Variants in GABBR1 observed in about 807,000 individuals in gnomAD.
GABBR1 encodes the protein GABA-B receptor, R1 subunit.
In GABBR1, 35 loss-of-function variants were observed where a neutral mutation model predicts 117.7. The ratio of observed to expected loss-of-function variants is 0.30; its 90% confidence interval spans 0.23 to 0.39. The LOEUF is 0.39. Among genes scored for constraint, GABBR1 ranks in the 10% least tolerant of loss-of-function variants. The pLI is 1.00. For missense variants in GABBR1, 709 were observed against 1,241.8 expected (o/e 0.57, Z 6.45); for synonymous variants, 442 against 486.6 (o/e 0.91, Z 1.21).
At position 29,604,221 on chromosome 6, in the gene GABBR1, C is replaced by G. The variant is rs567652171; in HGVS notation, c.2712+273G>C. Among the ~76,000 whole-genome samples, 3 of 152,134 alleles carry G rather than the reference C, an allele frequency of 2.0e-5. No individual in the cohort carries two copies. Among genetic ancestry groups the G allele is most frequent in the Non-Finnish European group, 2.9e-5 (2 of 68,014 alleles). ...CTACAGCCAACAGCCATCCTCTTGC[C>G]TTAAGGAGGCTGAGTCAACCACATA... On this transcript the variant is annotated intron_variant, in intron 22 of 22. Coordinates refer to ENST00000377034, the MANE Select transcript of GABBR1 (RefSeq NM_001470.4). This position sits in a 1 kb window ranked among gnomAD's most constrained non-coding sequence, Gnocchi z 5.3.
At chr6:29,619,389 A>G (rs1004631665) in intron 11 of GABBR1, among the ~76,000 whole-genome samples, 6 of 152,204 alleles carry the variant, frequency 3.9e-5, no homozygotes, top group Non-Finnish European at 8.8e-5. Context: ...GGCTGGTCCC[A>G]CTGGAAGCCC....
chr6:29,616,775 G>C (rs903201929), intron 11 of GABBR1, among the ~76,000 whole-genome samples: 6 of 150,060 alleles, frequency 4.0e-5, no homozygotes, highest in African/African-American at 1.2e-4. Flanking sequence ...GATGACTTGA[G>C]CCCAGGAGGT....
Position 29,624,180 on chromosome 6 carries a change from G to T in GABBR1, c.658-156C>A, listed in dbSNP as rs202223600. ...CTTCTCCTTTCTGGCATCTCTTCCT[G>T]TCAAGTGCCTTTTTTCTCCTCTTTC... is the stretch of plus-strand genomic sequence containing the variant. On this transcript the variant is annotated intron_variant, in intron 6 of 22. Coordinates refer to ENST00000377034, the MANE Select transcript of GABBR1 (RefSeq NM_001470.4). 1.1e-4 allele frequency: 83 copies of T among 727,454 alleles called. 1 individual carries two copies. In the East Asian group the frequency reaches 2.4e-3, roughly 21 times the overall value. 45.1% of individuals were successfully genotyped at this position (727,454 alleles called of 1,614,324 possible).
chr6:29,603,762 T>G, intron 22 of GABBR1, 46 bp from the exon 23 acceptor site: 2 of 1,388,464 alleles, frequency 1.4e-6, no homozygotes, highest in South Asian at 3.7e-5. Context: ...GAGGAGGTGA[T>G]GAAGGAGTGG....
rs1583028013 is a variant in GABBR1 at position 29,631,706 on chromosome 6, C to T, written c.86-107G>A. 1.1e-6 allele frequency: 1 copy of T among 945,762 alleles called. No individual in the cohort carries two copies. Among genetic ancestry groups the T allele is most frequent in the Non-Finnish European group, 1.7e-6 (1 of 600,210 alleles). The allele number at this position is 945,762 out of a possible 1,614,324, so 58.6% of individuals were successfully genotyped here. A position where few individuals can be genotyped will look rare whatever the true frequency, so the allele number is the denominator to read the frequency against. ...GAGTAGGGCGTGGTCTGTGGGCAGGCTGGGGACAGAGGAAGAGGGATGGGG... is the reference window on the plus strand; with the variant it reads ...GAGTAGGGCGTGGTCTGTGGGCAGGTTGGGGACAGAGGAAGAGGGATGGGG... On this transcript the variant is annotated intron_variant, in intron 2 of 22. Coordinates refer to ENST00000377034, the MANE Select transcript of GABBR1 (RefSeq NM_001470.4). This position sits in a 1 kb window ranked among gnomAD's most constrained non-coding sequence, Gnocchi z 5.9.
In GABBR1 at chr6:29,627,564, C is replaced by T; in HGVS notation, c.579G>A (p.Glu193=). 1.3e-6 allele frequency: 2 copies of T among 1,590,600 alleles called. No homozygotes were observed. The highest frequency in any genetic ancestry group is 1.7e-6 in the Non-Finnish European group (2 of 1,169,042). Residue 193 remains glutamate, a synonymous_variant, in exon 6 of 23, where the codon GAG becomes GAA. Transcript: ENST00000377034. The surrounding 1 kb of genome is among the most constrained non-coding windows in gnomAD (Gnocchi z 4.4). ...PGGQACQPAV[E]MALEDVNSRR... ...GGCTATTCACGTCCTCCAGCGCCAT[C>T]TCCACCGCGGGCTGGCAGGCCTGGC...
Position 29,630,735 on chromosome 6 carries a change from A to G in GABBR1, c.290-92T>C, listed in dbSNP as rs1329546251. The G allele has an allele frequency of 9.9e-7, 1 of 1,006,022 alleles. No homozygotes were observed. Among genetic ancestry groups the G allele is most frequent in the Non-Finnish European group, 1.5e-6 (1 of 679,494 alleles). The allele number at this position is 1,006,022 out of a possible 1,614,324, so 62.3% of individuals were successfully genotyped here. A position where few individuals can be genotyped will look rare whatever the true frequency, so the allele number is the denominator to read the frequency against. On this transcript the variant is annotated intron_variant, in intron 3 of 22. Coordinates refer to ENST00000377034, the MANE Select transcript of GABBR1 (RefSeq NM_001470.4). The surrounding 1 kb of genome is among the most constrained non-coding windows in gnomAD (Gnocchi z 4.9). Reference sequence around the variant, plus strand: ...GGGACTCAGGTGCAGGTTTGGGTCCACAAGCATCCTGCTCTAAAGAAAATC... The same window carrying G: ...GGGACTCAGGTGCAGGTTTGGGTCCGCAAGCATCCTGCTCTAAAGAAAATC...
chr6:29,606,349 C>G lies in GABBR1; in HGVS notation c.2311+42G>C, dbSNP rs768281533. 2 of 1,436,778 alleles carry G rather than the reference C, an allele frequency of 1.4e-6. No homozygotes were observed. The highest frequency in any genetic ancestry group is 2.0e-6 in the Non-Finnish European group (2 of 1,019,204). 89.0% of individuals were successfully genotyped at this position (1,436,778 alleles called of 1,614,324 possible). On this transcript the variant is annotated intron_variant, in intron 19 of 22. Coordinates refer to ENST00000377034, the MANE Select transcript of GABBR1 (RefSeq NM_001470.4). The surrounding 1 kb of genome is among the most constrained non-coding windows in gnomAD (Gnocchi z 4.5). ...CCCTCTACCCCTGCCTTCCCTCCTGCCTTTGTGCATCCCTGCCCTCCTTTG... is the reference window on the plus strand; with the variant it reads ...CCCTCTACCCCTGCCTTCCCTCCTGGCTTTGTGCATCCCTGCCCTCCTTTG...
intron 6 of GABBR1, among the ~76,000 whole-genome samples, chr6:29,625,755 GCTCACAGC>G (rs1241156441): frequency 6.6e-6 from 1 of 152,070 alleles, no homozygotes; most frequent in Non-Finnish European, 1.5e-5. Context: ...ATGAGTTTGA[GCTCACAGC>G]CAGGCCTCCC....
Position 29,622,324 on chromosome 6 carries a change from T to C in GABBR1, c.964-119A>G. On this transcript the variant is annotated intron_variant, in intron 8 of 22. Coordinates refer to ENST00000377034, the MANE Select transcript of GABBR1 (RefSeq NM_001470.4). This position sits in a 1 kb window ranked among gnomAD's most constrained non-coding sequence, Gnocchi z 4.6. Reference sequence around the variant, plus strand: ...AGATAGAGCAAAGAAGCAGCCATTCTGAACCTTCCTTCAACAGCTTCTGTC... The same window carrying C: ...AGATAGAGCAAAGAAGCAGCCATTCCGAACCTTCCTTCAACAGCTTCTGTC... 1.4e-6 allele frequency: 1 copy of C among 695,762 alleles called. No individual in the cohort carries two copies. Among genetic ancestry groups the C allele is most frequent in the South Asian group, 1.7e-5 (1 of 60,198 alleles). The allele number at this position is 695,762 out of a possible 1,614,324, so 43.1% of individuals were successfully genotyped here.
intron 11 of GABBR1, among the ~76,000 whole-genome samples, chr6:29,616,511 C>A (rs1763124448): frequency 6.6e-6 from 1 of 151,042 alleles, no homozygotes; most frequent in South Asian, 2.1e-4. Flanking sequence ...TGGTGAAACC[C>A]CATGTCCACT....
At position 29,623,574 on chromosome 6, in the gene GABBR1, C is replaced by A. The variant is rs1763975495; in HGVS notation, c.793-99G>T. 1 of 1,216,286 alleles carries A rather than the reference C, an allele frequency of 8.2e-7. No homozygotes were observed. The allele number at this position is 1,216,286 out of a possible 1,614,324, so 75.3% of individuals were successfully genotyped here. On this transcript the variant is annotated intron_variant, in intron 7 of 22. Coordinates refer to ENST00000377034, the MANE Select transcript of GABBR1 (RefSeq NM_001470.4). The surrounding 1 kb of genome is among the most constrained non-coding windows in gnomAD (Gnocchi z 6.2). ...ACCCTCTTCCTGCCTTTGGGTTTCT[C>A]TTCCTTACTCTCTCCAAACCTCCCC... is the stretch of plus-strand genomic sequence containing the variant.
Position 29,627,297 on chromosome 6 carries a change from T to C in GABBR1, c.657+189A>G, listed in dbSNP as rs1293741764. ...ACCATCTTGAGCCCCTAGACCCTCA[T>C]CTTGGACCTCCAGCCCCTGCGACTC... On this transcript the variant is annotated intron_variant, in intron 6 of 22. Coordinates refer to ENST00000377034, the MANE Select transcript of GABBR1 (RefSeq NM_001470.4). The surrounding 1 kb of genome is among the most constrained non-coding windows in gnomAD (Gnocchi z 4.4). Among the ~76,000 whole-genome samples the C allele has an allele frequency of 6.6e-6, 1 of 152,132 alleles. No individual in the cohort carries two copies. The highest frequency in any genetic ancestry group is 2.4e-5 in the African/African-American group (1 of 41,438).
chr6:29,610,720 G>A (rs749762955), intron 14 of GABBR1, among the ~76,000 whole-genome samples: 3 of 150,772 alleles, frequency 2.0e-5, no homozygotes, highest in East Asian at 2.0e-4. Flanking sequence ...ACTAACCACC[G>A]CCTATTCCCT....
In GABBR1 at chr6:29,613,085, GTTC is replaced by G. The variant is rs529634817; in HGVS notation, c.1566+155_1566+157del. 1.3e-3 allele frequency among the ~76,000 whole-genome samples: 201 copies of G among 152,280 alleles called. 2 individuals carry two copies. Among genetic ancestry groups the G allele is most frequent in the Middle Eastern group, 0.01 (3 of 294 alleles). The stretch of plus-strand genomic sequence containing the variant: ...TTTTTTTTCCTCTAGTCTTTGATGG[GTTC>G]TTCTAATTTGAAGGTCCCTACTTCT... On this transcript the variant is annotated intron_variant, in intron 12 of 22. Transcript: ENST00000377034. The surrounding 1 kb of genome is among the most constrained non-coding windows in gnomAD (Gnocchi z 4.1).
In GABBR1 at chr6:29,623,084, CAG is replaced by C. The variant is rs1763926448; in HGVS notation, c.963+219_963+220del. 1.3e-5 allele frequency among the ~76,000 whole-genome samples: 2 copies of C among 152,100 alleles called. No homozygotes were observed. On this transcript the variant is annotated intron_variant, in intron 8 of 22. Coordinates refer to ENST00000377034, the MANE Select transcript of GABBR1 (RefSeq NM_001470.4). This position sits in a 1 kb window ranked among gnomAD's most constrained non-coding sequence, Gnocchi z 6.2. ...TATGTCTGGGGAACAGGGCATCAAACAGGGGAAAAAAATCATAAAATCATAAA... is the reference window on the plus strand; with the variant it reads ...TATGTCTGGGGAACAGGGCATCAAACGGGAAAAAAATCATAAAATCATAAA...
At position 29,604,287 on chromosome 6, in the gene GABBR1, G is replaced by A. The variant is rs56106029; in HGVS notation, c.2712+207C>T. 0.055 allele frequency among the ~76,000 whole-genome samples: 8,357 copies of A among 152,144 alleles called. 335 individuals are homozygous for A. The highest frequency in any genetic ancestry group is 0.14 in the South Asian group (666 of 4,826). The stretch of plus-strand genomic sequence containing the variant: ...CCCTTCCACCTGCCAGGCCAACACT[G>A]GATTTTGCCTGAGATAGAATCTTGC... On this transcript the variant is annotated intron_variant, in intron 22 of 22. Transcript: ENST00000377034. The surrounding 1 kb of genome is among the most constrained non-coding windows in gnomAD (Gnocchi z 5.3).
chr6:29,603,765 A>C, intron 22 of GABBR1, 49 bp from the exon 23 acceptor site: 1 of 1,333,460 alleles, frequency 7.5e-7, no homozygotes, highest in Non-Finnish European at 9.8e-7. Context: ...GAGGTGATGA[A>C]GGAGTGGGGA....
rs1026115370 is a variant in GABBR1, at chr6:29,602,612, A to C, written c.*931T>G. On this transcript the variant is annotated 3_prime_UTR_variant, in exon 23 of 23. Coordinates refer to ENST00000377034, the MANE Select transcript of GABBR1 (RefSeq NM_001470.4). ...CCAAACATGAATTGGGGAAAAGTGC[A>C]TAACAATGTGCAGGGTAGGGTACAT... 2 of 204,452 alleles carry C rather than the reference A, an allele frequency of 9.8e-6. No individual in the cohort carries two copies. Among genetic ancestry groups the C allele is most frequent in the African/African-American group, 4.7e-5 (2 of 42,986 alleles). The allele number at this position is 204,452 out of a possible 1,614,324, so 12.7% of individuals were successfully genotyped here. A position where few individuals can be genotyped will look rare whatever the true frequency, so the allele number is the denominator to read the frequency against.
Sources: allele counts gnomAD v4.1 joint callset (sites outside exome capture counted in the v4.1 genomes callset), GRCh38; gene constraint gnomAD v4.1.1; non-coding constraint Gnocchi (gnomAD v3.1); transcripts MANE v1.5; gene names NCBI Gene and HGNC (gene_info 2026-07-23, HGNC 2026-07-21).